SH3BP5: variants seen among roughly 807,000 people sequenced by gnomAD.
The protein encoded by SH3BP5 is SH3 domain-binding protein 5.
SH3BP5 carries 22 observed loss-of-function variants against 43.3 expected under a neutral mutation model. The observed-to-expected ratio is 0.51, with a 90% CI of 0.36 to 0.73. The LOEUF is 0.73. Among genes scored for constraint, SH3BP5 ranks in the 30% least tolerant of loss-of-function variants. The pLI, the probability that SH3BP5 is intolerant of heterozygous loss-of-function variation, is 0.00. For synonymous variants in SH3BP5, 255 were observed against 225.8 expected, an observed-to-expected ratio of 1.13 and a Z score of -1.16; for missense variants, 529 against 586.9, an observed-to-expected ratio of 0.90 and a Z score of 1.02.
At chr3:15,264,512 A>G (rs1307191507) in intron 4 of SH3BP5, 1 of 152,208 alleles carries the variant, frequency 6.6e-6, no homozygotes, top group East Asian at 1.9e-4. Flanking sequence ...TTGTATCCCA[A>G]TTATGCTTTT....
intron 3 of SH3BP5, among the ~76,000 whole-genome samples, chr3:15,303,318 C>T (rs556307024): frequency 2.8e-4 from 42 of 152,220 alleles, no homozygotes; most frequent in African/African-American, 9.4e-4. Context: ...ATCGGGAAGC[C>T]GAAGCAGGCT....
At chr3:15,332,603 C>T, upstream of SH3BP5, 1 of 1,194,492 alleles carries the variant, frequency 8.4e-7, no homozygotes, top group Non-Finnish European at 1.0e-6. Context: ...GGCGCGGCCG[C>T]CCCCTTTCTG....
At chr3:15,315,052 G>T (rs1466917591) in intron 2 of SH3BP5, among the ~76,000 whole-genome samples, 7 of 152,126 alleles carry the variant, frequency 4.6e-5, no homozygotes, top group Non-Finnish European at 1.0e-4. Flanking sequence ...AGGTGGCATG[G>T]GAGGGGCAGT....
At chr3:15,287,347 G>A (rs998358022) in intron 3 of SH3BP5, among the ~76,000 whole-genome samples, 2 of 152,184 alleles carry the variant, frequency 1.3e-5, no homozygotes, top group East Asian at 1.9e-4. Context: ...CAACCATAAC[G>A]CTCAAGTTCT....
At chr3:15,314,434 G>A (rs1171756534) in intron 2 of SH3BP5, among the ~76,000 whole-genome samples, 1 of 152,072 alleles carries the variant, frequency 6.6e-6, no homozygotes, top group African/African-American at 2.4e-5. Context: ...TAGCCCTGAG[G>A]GCCAGAGCAA....
chr3:15,274,366 G>A (rs1696904087), intron 3 of SH3BP5, among the ~76,000 whole-genome samples: 1 of 152,184 alleles, frequency 6.6e-6, no homozygotes, highest in Non-Finnish European at 1.5e-5. Context: ...TCTGGTATCT[G>A]CTCAGCTTCT....
chr3:15,304,533 T>C (rs826424), intron 2 of SH3BP5, among the ~76,000 whole-genome samples: 1 of 151,970 alleles, frequency 6.6e-6, no homozygotes, highest in Non-Finnish European at 1.5e-5. Flanking sequence ...ATTTTAATCA[T>C]CTCGGGTGTG....
chr3:15,287,461 A>T (rs1697296876), intron 3 of SH3BP5, among the ~76,000 whole-genome samples: 1 of 152,240 alleles, frequency 6.6e-6, no homozygotes, highest in African/African-American at 2.4e-5. Flanking sequence ...AAAGGGTAAA[A>T]GCTAAGCAGT....
rs1209054008 is a variant in SH3BP5, at chr3:15,281,096, A to G, written c.331-11219T>C. ...GAGTAGCTGCCGGTTTCCAGTCACA[A>G]GGGTGGAGCATAGGAGTGGAGAGGT... On this transcript the variant is annotated intron_variant, in intron 3 of 8. Coordinates refer to ENST00000383791, the MANE Select transcript of SH3BP5 (RefSeq NM_004844.5). Among the ~76,000 whole-genome samples, 11 of 152,284 alleles carry G rather than the reference A, an allele frequency of 7.2e-5. No homozygotes were observed. In the East Asian group the frequency reaches 1.7e-3, roughly 24 times the overall value.
chr3:15,335,857 G>A (rs1450366038), upstream of SH3BP5, among the ~76,000 whole-genome samples: 2 of 152,238 alleles, frequency 1.3e-5, no homozygotes, highest in Non-Finnish European at 2.9e-5. Context: ...GCGTGGCCTA[G>A]GATTGTCTGG....
chr3:15,287,450 C>A (rs1697296740), intron 3 of SH3BP5, among the ~76,000 whole-genome samples: 2 of 152,240 alleles, frequency 1.3e-5, no homozygotes, highest in South Asian at 4.1e-4. Flanking sequence ...TTTAATCCAG[C>A]AAAGGGTAAA....
At chr3:15,333,260 G>C (rs371642784), upstream of SH3BP5, 2 of 985,492 alleles carry the variant, frequency 2.0e-6, no homozygotes, top group Non-Finnish European at 2.4e-6. Context: ...CATCCGAAAA[G>C]GCCAAACTGA....
intron 2 of SH3BP5, among the ~76,000 whole-genome samples, chr3:15,313,036 G>A (rs1166715203): frequency 6.6e-6 from 1 of 152,090 alleles, no homozygotes; most frequent in Admixed American, 6.6e-5. Context: ...CTGAGGTCAG[G>A]AGTTTAAGAC....
chr3:15,301,524 C>T (rs1697752386), intron 3 of SH3BP5, among the ~76,000 whole-genome samples: 1 of 152,072 alleles, frequency 6.6e-6, no homozygotes, highest in East Asian at 1.9e-4. Flanking sequence ...AGAAGCCCCA[C>T]AGGGAAAAAG....
chr3:15,335,730 G>A (rs1698693949), upstream of SH3BP5, among the ~76,000 whole-genome samples: 1 of 152,094 alleles, frequency 6.6e-6, no homozygotes, highest in Non-Finnish European at 1.5e-5. Context: ...GGATATCAAG[G>A]GACAACTGTA....
chr3:15,303,553 A>G (rs1697810903), intron 3 of SH3BP5, among the ~76,000 whole-genome samples: 2 of 151,354 alleles, frequency 1.3e-5, no homozygotes, highest in Non-Finnish European at 1.5e-5. Flanking sequence ...CCCCTCCGCC[A>G]CTCCCCTTCT....
At chr3:15,274,876 C>A (rs1696920654) in intron 3 of SH3BP5, among the ~76,000 whole-genome samples, 1 of 152,192 alleles carries the variant, frequency 6.6e-6, no homozygotes. Flanking sequence ...TAAACCAGAT[C>A]TCATGAGAAC....
chr3:15,304,039 G>A lies in SH3BP5; in HGVS notation c.330+64C>T. On this transcript the variant is annotated intron_variant, in intron 3 of 8. Coordinates refer to ENST00000383791, the MANE Select transcript of SH3BP5 (RefSeq NM_004844.5). ...CCTTCAGCAGGTGATACAGTCAAAG[G>A]CACCCTTAAAACTGAGGGGTAGTGA... 5.8e-6 allele frequency: 8 copies of A among 1,376,820 alleles called. No homozygotes were observed. The South Asian group carries it at 9.3e-5, about 16-fold the overall frequency. The allele number at this position is 1,376,820 out of a possible 1,614,324, so 85.3% of individuals were successfully genotyped here. A position where few individuals can be genotyped will look rare whatever the true frequency, so the allele number is the denominator to read the frequency against.
chr3:15,278,773 T>C (rs1009516346), intron 3 of SH3BP5, among the ~76,000 whole-genome samples: 4 of 152,246 alleles, frequency 2.6e-5, no homozygotes, highest in African/African-American at 4.8e-5. Context: ...ATAGATTTGA[T>C]TGAATGAACA....
Sources: allele counts gnomAD v4.1 joint callset (sites outside exome capture counted in the v4.1 genomes callset), GRCh38; gene constraint gnomAD v4.1.1; transcripts MANE v1.5; gene names NCBI Gene and HGNC (gene_info 2026-07-23, HGNC 2026-07-21).